The following ZNF717 variants were observed in gnomAD, a reference collection of about 807,000 sequenced individuals.
ZNF717 encodes zinc finger protein 717, also known as krueppel-like factor X17.
A neutral mutation model predicts 13.8 loss-of-function variants in ZNF717; 9 were observed. That is an observed-to-expected ratio of 0.65 (90% CI 0.39 to 1.14). ZNF717 has a LOEUF of 1.14. ZNF717 is among the 50% of genes most tolerant of loss of function. The pLI, the probability that ZNF717 is intolerant of heterozygous loss-of-function variation, is 0.01. For missense variants in ZNF717, 1,040 were observed against 1,080.7 expected (o/e 0.96, Z 0.53); for synonymous variants, 327 against 364.1 (o/e 0.90, Z 1.16).
chr3:75,759,930 G>T (rs1215549927), intron 2 of ZNF717, among the ~76,000 whole-genome samples: 1 of 152,186 alleles, frequency 6.6e-6, no homozygotes, highest in Non-Finnish European at 1.5e-5. Context: ...TTCCGTTTTG[G>T]TATAGGTTTA....
At chr3:75,748,213 A>G (rs115017243) in intron 2 of ZNF717, among the ~76,000 whole-genome samples, 1 of 151,998 alleles carries the variant, frequency 6.6e-6, no homozygotes. Flanking sequence ...TACCAACCAA[A>G]AAGAGTCCAG....
At chr3:75,780,330 A>G (rs1944716525) in intron 2 of ZNF717, among the ~76,000 whole-genome samples, 1 of 152,264 alleles carries the variant, frequency 6.6e-6, no homozygotes, top group South Asian at 2.1e-4. Context: ...ACCTAAAACA[A>G]TGGTAACTAA....
At chr3:75,695,622 C>A (rs1321138997) in intron 6 of ZNF717, among the ~76,000 whole-genome samples, 16 of 152,398 alleles carry the variant, frequency 1.0e-4, no homozygotes, top group African/African-American at 3.8e-4. Flanking sequence ...TAATATTGAG[C>A]ATTTTCTCTG....
intron 4 of ZNF717, among the ~76,000 whole-genome samples, 187 bp downstream of exon 4, chr3:75,741,089 G>GA (rs1380262999): frequency 6.6e-6 from 1 of 152,222 alleles, no homozygotes; most frequent in African/African-American, 2.4e-5. Context: ...AAGATACTCA[G>GA]AAAAATAAGA....
intron 2 of ZNF717, among the ~76,000 whole-genome samples, chr3:75,751,062 G>C (rs1409080083): frequency 7.4e-5 from 11 of 147,738 alleles, no homozygotes; most frequent in African/African-American, 2.7e-4. Context: ...ACTGTTGCTG[G>C]GTTCTGAGTA....
downstream of ZNF717, among the ~76,000 whole-genome samples, chr3:75,708,095 G>A (rs1937842129): frequency 6.6e-6 from 1 of 152,250 alleles, no homozygotes; most frequent in African/African-American, 2.4e-5. Flanking sequence ...CAGCTTTGAA[G>A]AGAGCAGTGG....
chr3:75,702,247 G>C (rs186798674), intron 6 of ZNF717, among the ~76,000 whole-genome samples: 1 of 152,312 alleles, frequency 6.6e-6, no homozygotes, highest in East Asian at 1.9e-4. Context: ...ACTGGATAGA[G>C]AAAATGTGGT....
chr3:75,737,782 G>T lies in ZNF717; in HGVS notation c.1841C>A (p.Thr614Lys). The T allele has an allele frequency of 1.3e-6, 2 of 1,551,498 alleles. No individual in the cohort carries two copies. Among genetic ancestry groups the T allele is most frequent in the Admixed American group, 2.0e-5 (1 of 50,982 alleles). Residue 614 changes from threonine to lysine, a missense_variant, in exon 5 of 5, where the codon ACA (threonine) becomes AAA (lysine). Transcript: ENST00000652011. ...LNLGIHKRTH[T>K]GERPYECNEC... is the part of the protein sequence containing the mutation. ...ATTACATTCATAGGGTCTTTCCCCT[G>T]TGTGAGTTCTCTTGTGTATCCCAAG... is the stretch of plus-strand genomic sequence containing the variant.
chr3:75,710,860 C>G (rs1388819741), exon 6 of ZNF717: 1 of 152,138 alleles, frequency 6.6e-6, no homozygotes, highest in Non-Finnish European at 1.5e-5. Context: ...TTACAATCTA[C>G]TAACAGAGGC....
rs1364775426 is a variant in ZNF717, at chr3:75,737,691, C to T, written c.1932G>A (p.Glu644=). 2 of 1,545,470 alleles carry T rather than the reference C, an allele frequency of 1.3e-6. No homozygotes were observed. The highest frequency in any genetic ancestry group is 1.7e-6 in the Non-Finnish European group (2 of 1,142,854). The stretch of plus-strand genomic sequence containing the variant: ...CACATTCATTACATACGTAAGGTTT[C>T]TCTCCTGTGTGAGTTCCCTGATGGG... The part of the protein sequence containing the change: ...LSTHQGTHTG[E]KPYVCNECGK... The change falls in exon 5 of 5, where the codon GAG becomes GAA. Residue 644 remains glutamate, a synonymous_variant. Transcript: ENST00000652011.
downstream of ZNF717, among the ~76,000 whole-genome samples, chr3:75,731,576 A>G (rs1229770011): frequency 4.6e-5 from 7 of 151,148 alleles, no homozygotes; most frequent in African/African-American, 1.7e-4. Flanking sequence ...AAGGAAGAAA[A>G]AAAAAAAGAA....
At chr3:75,781,732 A>G (rs1944836886) in intron 2 of ZNF717, among the ~76,000 whole-genome samples, 1 of 152,170 alleles carries the variant, frequency 6.6e-6, no homozygotes, top group Non-Finnish European at 1.5e-5. Flanking sequence ...CAATTAACTG[A>G]TAAAGCGCTG....
chr3:75,712,237 T>C (rs1265047496), intron 5 of ZNF717, among the ~76,000 whole-genome samples: 1 of 152,246 alleles, frequency 6.6e-6, no homozygotes, highest in Non-Finnish European at 1.5e-5. Context: ...CTCAGAAAGA[T>C]ATTTGACAGA....
At chr3:75,714,421 G>A (rs1359172263) in intron 5 of ZNF717, among the ~76,000 whole-genome samples, 3 of 151,848 alleles carry the variant, frequency 2.0e-5, no homozygotes, top group Non-Finnish European at 4.4e-5. Context: ...GTATGGTCTG[G>A]TTTTTCCTAG....
intron 2 of ZNF717, among the ~76,000 whole-genome samples, chr3:75,773,497 C>T (rs1043953750): frequency 6.6e-6 from 1 of 152,180 alleles, no homozygotes; most frequent in Admixed American, 6.5e-5. Context: ...GATGGCACGG[C>T]CCATCTGGGA....
At chr3:75,779,224 T>C (rs532559139) in intron 2 of ZNF717, among the ~76,000 whole-genome samples, 1 of 146,710 alleles carries the variant, frequency 6.8e-6, no homozygotes, top group Non-Finnish European at 1.5e-5. Flanking sequence ...GGGAGTGATC[T>C]GCTAAAACCA....
chr3:75,745,960 G>T (rs1273193211), intron 2 of ZNF717, among the ~76,000 whole-genome samples: 1 of 151,936 alleles, frequency 6.6e-6, no homozygotes, highest in Non-Finnish European at 1.5e-5. Context: ...TGCCATGTTG[G>T]TGTGCTGCAC....
intron 2 of ZNF717, among the ~76,000 whole-genome samples, chr3:75,778,305 G>C (rs546577470): frequency 9.9e-5 from 15 of 151,784 alleles, no homozygotes; most frequent in African/African-American, 3.6e-4. Context: ...AAAACAATGG[G>C]AGTGATCTGC....
In ZNF717 at chr3:75,774,189, C is replaced by CAAA. The variant is rs528249551; in HGVS notation, c.57+9114_57+9116dup. 1.8e-3 allele frequency among the ~76,000 whole-genome samples: 228 copies of CAAA among 130,220 alleles called. 2 individuals are homozygous for CAAA. Among genetic ancestry groups the CAAA allele is most frequent in the African/African-American group, 5.3e-3 (189 of 35,770 alleles). The allele number at this position is 130,220 out of a possible 152,430, so 85.4% of individuals were successfully genotyped here. A position where few individuals can be genotyped will look rare whatever the true frequency, so the allele number is the denominator to read the frequency against. On this transcript the variant is annotated intron_variant, in intron 2 of 4. Coordinates refer to ENST00000652011, the MANE Select transcript of ZNF717 (RefSeq NM_001290208.3). ...TTTGTTTCCCTTGTAAATAAACTAC[C>CAAA]AAAAAAAAAAAAAAGGAAAAACAAG...
Sources: gnomAD v4.1 joint callset for allele counts (sites outside exome capture counted in the v4.1 genomes callset) on GRCh38, gnomAD v4.1.1 for gene constraint, MANE v1.5 for transcripts, NCBI Gene and HGNC (gene_info 2026-07-23, HGNC 2026-07-21) for gene names.